Variants in PUM1 observed in about 807,000 individuals in gnomAD.
PUM1 encodes pumilio RNA binding family member 1.
A neutral mutation model predicts 131.8 loss-of-function variants in PUM1; 13 were observed. The observed-to-expected ratio is 0.10, with a 90% confidence interval of 0.06 to 0.16. The LOEUF (loss-of-function observed/expected upper bound fraction) is 0.16. Among genes scored for constraint, PUM1 ranks in the 10% least tolerant of loss-of-function variants. The pLI, the probability that PUM1 is intolerant of heterozygous loss-of-function variation, is 1.00. For synonymous variants in PUM1, 509 were observed against 556.5 expected (o/e 0.91, Z 1.20); for missense variants, 961 against 1,512.4 (o/e 0.64, Z 6.05).
chr1:31,038,974 ATATATATATATT>A (rs1643714082), intron 2 of PUM1, among the ~76,000 whole-genome samples: 2 of 30,706 alleles, frequency 6.5e-5, no homozygotes, highest in African/African-American at 5.4e-4. Context: ...ATATATATAT[ATATATATATATT>A]TTTTTTTTTT....
intron 20 of PUM1, among the ~76,000 whole-genome samples, chr1:30,940,519 G>T (rs1290969009): frequency 6.6e-6 from 1 of 152,142 alleles, no homozygotes; most frequent in Non-Finnish European, 1.5e-5. Flanking sequence ...TATGAGTCCT[G>T]TCCTGCCTTG....
At chr1:31,006,867 T>C (rs1450934020) in intron 4 of PUM1, 127 bp downstream of exon 4, 3 of 660,894 alleles carry the variant, frequency 4.5e-6, no homozygotes, top group Admixed American at 2.5e-5. Flanking sequence ...ATGGCAATTA[T>C]ACTACAGGAG....
intron 7 of PUM1, among the ~76,000 whole-genome samples, chr1:30,984,985 GACT>G (rs1557570506): frequency 1.3e-5 from 2 of 152,076 alleles, no homozygotes; most frequent in African/African-American, 2.4e-5. Flanking sequence ...ACCAGTTTGA[GACT>G]ATATACATAG....
At chr1:30,980,573 A>G (rs920648619) in intron 8 of PUM1, among the ~76,000 whole-genome samples, 9 of 152,230 alleles carry the variant, frequency 5.9e-5, no homozygotes, top group African/African-American at 2.2e-4. Flanking sequence ...TATAAAGATT[A>G]CCATCTACAA....
At chr1:31,058,939 C>G (rs1159087059) in intron 2 of PUM1, among the ~76,000 whole-genome samples, 1 of 152,094 alleles carries the variant, frequency 6.6e-6, no homozygotes, top group African/African-American at 2.4e-5. Context: ...CGAGATCAGG[C>G]GACTACACTC....
chr1:31,020,216 G>A (rs1642972272), intron 3 of PUM1, among the ~76,000 whole-genome samples: 1 of 152,146 alleles, frequency 6.6e-6, no homozygotes, highest in African/African-American at 2.4e-5. Context: ...GACTCCAGCT[G>A]CACCCATGTT....
intron 20 of PUM1, among the ~76,000 whole-genome samples, chr1:30,939,524 A>T (rs1413225995): frequency 6.6e-6 from 1 of 152,260 alleles, no homozygotes; most frequent in East Asian, 1.9e-4. Context: ...AACAGCCATC[A>T]GAAATAAGAA....
In PUM1 at chr1:31,065,638, T is replaced by C. The variant is rs980010282; in HGVS notation, c.-34A>G. ...CACGGGCGGAGCGGTAGGATGAAGA[T>C]GGATTTCAGCCCCCCGATCTTCTCT... On this transcript the variant is annotated 5_prime_UTR_variant, in exon 1 of 22. Coordinates refer to ENST00000426105, the MANE Select transcript of PUM1 (RefSeq NM_001020658.2). The C allele has an allele frequency of 7.1e-6, 11 of 1,549,014 alleles. No individual in the cohort carries two copies. The highest frequency in any genetic ancestry group is 3.9e-5 in the Admixed American group (2 of 50,940).
intron 5 of PUM1, among the ~76,000 whole-genome samples, chr1:31,004,153 C>T (rs1642316332): frequency 6.6e-6 from 1 of 152,178 alleles, no homozygotes; most frequent in African/African-American, 2.4e-5. Context: ...AATGATACAG[C>T]TTTTGTCATC....
At chr1:31,049,586 A>T (rs58314733) in intron 2 of PUM1, among the ~76,000 whole-genome samples, 44,868 of 151,596 alleles carry the variant, frequency 0.3, 6,996 homozygotes, top group Non-Finnish European at 0.34. Flanking sequence ...AGGCTGAAGC[A>T]GGAGAACTGC....
chr1:31,035,309 C>T (rs1643571079), intron 2 of PUM1, among the ~76,000 whole-genome samples: 1 of 151,952 alleles, frequency 6.6e-6, no homozygotes, highest in Admixed American at 6.6e-5. Context: ...ACAAGAATCA[C>T]TTGAGCCCGA....
chr1:30,967,192 G>C lies in PUM1; in HGVS notation c.1764C>G (p.Ile588Met). 1 of 1,614,142 alleles carries C rather than the reference G, an allele frequency of 6.2e-7. No homozygotes were observed. Among genetic ancestry groups the C allele is most frequent in the Non-Finnish European group, 8.5e-7 (1 of 1,180,002 alleles). The change falls in exon 12 of 22, where the codon ATC becomes ATG. Residue 588 changes from isoleucine to methionine, a missense_variant. Coordinates refer to ENST00000426105, the MANE Select transcript of PUM1 (RefSeq NM_001020658.2). Reference sequence around the variant, plus strand: ...CTGCTTGTGCAGCTGAGGAACTAATGATGACTGGGGCAGGAGCTACAAGTC... The same window carrying C: ...CTGCTTGTGCAGCTGAGGAACTAATCATGACTGGGGCAGGAGCTACAAGTC... ...PVRLVAPAPV[I>M]ISSSAAQAAV...
intron 3 of PUM1, among the ~76,000 whole-genome samples, chr1:31,008,505 A>G (rs1642475703): frequency 6.6e-6 from 1 of 152,112 alleles, no homozygotes; most frequent in African/African-American, 2.4e-5. Flanking sequence ...TTATTACCCT[A>G]AGGGCATTTG....
rs377637084 is a variant in PUM1, at chr1:30,936,778, G to A, written c.3300C>T (p.Ile1100=). 1.2e-5 allele frequency: 19 copies of A among 1,613,808 alleles called. No homozygotes were observed. The highest frequency in any genetic ancestry group is 2.7e-5 in the African/African-American group (2 of 74,904). Reference sequence around the variant, plus strand: ...CGTCGTTCATGGTGCACACCTCATCGATGAGCACAGCGCGCTCCGTACGTG... The same window carrying A: ...CGTCGTTCATGGTGCACACCTCATCAATGAGCACAGCGCGCTCCGTACGTG... The part of the protein sequence containing the change: ...HASRTERAVL[I]DEVCTMNDGP... Residue 1100 remains isoleucine, a synonymous_variant, in exon 21 of 22, where the codon ATC becomes ATT. Coordinates refer to ENST00000426105, the MANE Select transcript of PUM1 (RefSeq NM_001020658.2).
intron 2 of PUM1, among the ~76,000 whole-genome samples, chr1:31,047,979 G>A (rs1045397189): frequency 3.3e-5 from 5 of 151,646 alleles, no homozygotes; most frequent in African/African-American, 9.7e-5. Context: ...AGTGGCTCAC[G>A]CCTGTAATAC....
chr1:31,011,149 C>A (rs1033766369), intron 3 of PUM1, among the ~76,000 whole-genome samples: 4 of 138,876 alleles, frequency 2.9e-5, no homozygotes, highest in African/African-American at 1.1e-4. Context: ...CAGAGTGAGA[C>A]CCTATCTCTT....
chr1:31,064,495 T>A (rs1644437140), intron 1 of PUM1, among the ~76,000 whole-genome samples: 2 of 152,088 alleles, frequency 1.3e-5, no homozygotes, highest in African/African-American at 4.8e-5. Flanking sequence ...GTTGGGCCTG[T>A]CTTAGTAAGT....
rs536712208 is a variant in PUM1, at chr1:30,976,297, C to T, written c.1355-1495G>A. ...GCAAGAAACACCAAAGACACATTTG[C>T]TAACCAGGAAATGGGCTCAAAGTCA... On this transcript the variant is annotated intron_variant, in intron 9 of 21. Coordinates refer to ENST00000426105, the MANE Select transcript of PUM1 (RefSeq NM_001020658.2). Among the ~76,000 whole-genome samples, 3 of 152,288 alleles carry T rather than the reference C, an allele frequency of 2.0e-5. No individual in the cohort carries two copies. The South Asian group carries it at 6.2e-4, about 32-fold the overall frequency.
chr1:31,049,170 A>G (rs1553153525), intron 2 of PUM1, among the ~76,000 whole-genome samples: 1 of 151,396 alleles, frequency 6.6e-6, no homozygotes, highest in East Asian at 2.0e-4. Context: ...GTGCCACTGC[A>G]CTCCAGTCTG....
Sources: gnomAD v4.1 joint callset for allele counts (sites outside exome capture counted in the v4.1 genomes callset) on GRCh38, gnomAD v4.1.1 for gene constraint, MANE v1.5 for transcripts, NCBI Gene and HGNC (gene_info 2026-07-23, HGNC 2026-07-21) for gene names.